The following ZFYVE9 variants were observed in gnomAD, a reference collection of about 807,000 sequenced individuals.
The protein encoded by ZFYVE9 is zinc finger FYVE-type containing 9.
In ZFYVE9, 43 loss-of-function variants were observed where a neutral mutation model predicts 126.7. The ratio of observed to expected loss-of-function variants is 0.34; its 90% CI spans 0.27 to 0.44. The LOEUF is 0.44. Among genes scored for constraint, ZFYVE9 ranks in the 20% least tolerant of loss-of-function variants. ZFYVE9 has a pLI of 1.00. For synonymous variants in ZFYVE9, 521 were observed against 597.4 expected (o/e 0.87, Z 1.87); for missense variants, 1,476 against 1,697.0 (o/e 0.87, Z 2.29).
intron 4 of ZFYVE9, among the ~76,000 whole-genome samples, chr1:52,245,096 T>G (rs35534541): frequency 6.6e-6 from 1 of 151,686 alleles, no homozygotes; most frequent in Non-Finnish European, 1.5e-5. Context: ...AGGCAGAGGT[T>G]GCAGTGAGCC....
intron 1 of ZFYVE9, among the ~76,000 whole-genome samples, chr1:52,168,973 C>G (rs1249248047): frequency 6.6e-6 from 1 of 152,170 alleles, no homozygotes; most frequent in African/African-American, 2.4e-5. Context: ...GCTACTCTTT[C>G]CCTCCCTTAA....
At chr1:52,244,023 A>G (rs777986799) in intron 4 of ZFYVE9, among the ~76,000 whole-genome samples, 27 of 152,206 alleles carry the variant, frequency 1.8e-4, no homozygotes, top group Admixed American at 3.3e-4. Flanking sequence ...GAAAGGGTTT[A>G]TCACCTATAT....
At chr1:52,331,886 C>T (rs954762539) in intron 13 of ZFYVE9, among the ~76,000 whole-genome samples, 2 of 150,184 alleles carry the variant, frequency 1.3e-5, no homozygotes, top group Admixed American at 6.7e-5. Context: ...TCATGCCATT[C>T]GCCTGCCTCA....
At chr1:52,338,180 A>G (rs1441203345) in intron 16 of ZFYVE9, among the ~76,000 whole-genome samples, 2 of 152,258 alleles carry the variant, frequency 1.3e-5, no homozygotes, top group African/African-American at 2.4e-5. Context: ...GTCCCTCTAT[A>G]GTTATTGAGA....
chr1:52,172,392 T>A (rs1483664990), intron 1 of ZFYVE9, among the ~76,000 whole-genome samples: 1 of 152,228 alleles, frequency 6.6e-6, no homozygotes, highest in Non-Finnish European at 1.5e-5. Flanking sequence ...CATGCTGTTT[T>A]GGTTACTGTA....
intron 3 of ZFYVE9, among the ~76,000 whole-genome samples, chr1:52,235,632 A>G (rs1645266632): frequency 1.3e-5 from 2 of 152,178 alleles, no homozygotes; most frequent in African/African-American, 4.8e-5. Flanking sequence ...ACTTTTCACT[A>G]CTTCTTTACA....
chr1:52,310,300 A>T (rs1241275153), intron 13 of ZFYVE9, among the ~76,000 whole-genome samples: 1 of 152,172 alleles, frequency 6.6e-6, no homozygotes, highest in Non-Finnish European at 1.5e-5. Context: ...CATTGTATTA[A>T]CTAATAATAA....
intron 2 of ZFYVE9, among the ~76,000 whole-genome samples, chr1:52,229,805 G>A (rs1645200869): frequency 6.6e-6 from 1 of 152,080 alleles, no homozygotes; most frequent in South Asian, 2.1e-4. Flanking sequence ...TGCCATGAGG[G>A]ATTGTTGTTG....
Position 52,203,174 on chromosome 1 carries a change from G to GT in ZFYVE9, c.-142-13188dup, listed in dbSNP as rs1171742295. Reference sequence around the variant, plus strand: ...TTCTTTACTCCTCCGTAGGTATAGTGTTTTTTTGTTTTGTTTTGTTTTTTT... The same window carrying GT: ...TTCTTTACTCCTCCGTAGGTATAGTGTTTTTTTTGTTTTGTTTTGTTTTTTT... On this transcript the variant is annotated intron_variant, in intron 1 of 18. Transcript: ENST00000287727. Among the ~76,000 whole-genome samples the GT allele has an allele frequency of 4.6e-5, 7 of 151,258 alleles. No individual in the cohort carries two copies. In the East Asian group the frequency reaches 9.8e-4, roughly 21 times the overall value.
intron 4 of ZFYVE9, among the ~76,000 whole-genome samples, chr1:52,241,719 A>G (rs1645335689): frequency 6.6e-6 from 1 of 152,200 alleles, no homozygotes. Context: ...TAGAGATGTT[A>G]TAAGTATTAA....
At chr1:52,330,658 C>A (rs564131340) in intron 13 of ZFYVE9, among the ~76,000 whole-genome samples, 13 of 152,166 alleles carry the variant, frequency 8.5e-5, no homozygotes, top group Non-Finnish European at 1.3e-4. Context: ...TGGTCACTTT[C>A]ATCACCATCT....
intron 13 of ZFYVE9, among the ~76,000 whole-genome samples, chr1:52,322,846 C>T (rs1646254578): frequency 6.6e-6 from 1 of 151,848 alleles, no homozygotes; most frequent in South Asian, 2.1e-4. Context: ...GCTCTATCGC[C>T]CAGGCTGGAG....
intron 3 of ZFYVE9, among the ~76,000 whole-genome samples, chr1:52,235,738 C>T (rs1645267600): frequency 6.6e-6 from 1 of 152,044 alleles, no homozygotes; most frequent in Non-Finnish European, 1.5e-5. Flanking sequence ...TTTATTAATG[C>T]TTTCTTTTCC....
At position 52,217,866 on chromosome 1, in the gene ZFYVE9, A is replaced by G. The variant is rs74767762; in HGVS notation, c.-37+1392A>G. Among the ~76,000 whole-genome samples the G allele has an allele frequency of 3.9e-4, 59 of 152,296 alleles. 1 individual carries two copies. The East Asian group carries it at 6.9e-3, about 18-fold the overall frequency. ...GACTCTGCCTTTTTTGGCCAACACC[A>G]TGTCAAGGGTTATTCTGTTTTCCCA... On this transcript the variant is annotated intron_variant, in intron 2 of 18. Coordinates refer to ENST00000287727, the MANE Select transcript of ZFYVE9 (RefSeq NM_004799.4).
At chr1:52,156,746 C>T (rs1458819258) in intron 1 of ZFYVE9, among the ~76,000 whole-genome samples, 3 of 152,132 alleles carry the variant, frequency 2.0e-5, no homozygotes, top group African/African-American at 7.2e-5. Context: ...CAATGATGCT[C>T]CATGTTTCTG....
intron 4 of ZFYVE9, among the ~76,000 whole-genome samples, chr1:52,240,953 A>G (rs900244895): frequency 6.6e-6 from 1 of 152,132 alleles, no homozygotes; most frequent in Non-Finnish European, 1.5e-5. Context: ...GGAGAAGGGG[A>G]AGTAGTGATA....
At chr1:52,247,200 T>C (rs574238905) in intron 4 of ZFYVE9, among the ~76,000 whole-genome samples, 99 of 152,246 alleles carry the variant, frequency 6.5e-4, no homozygotes, top group African/African-American at 2.3e-3. Flanking sequence ...AGGCCCTCAC[T>C]CAGTACCAAA....
chr1:52,242,847 A>G (rs1243673439), intron 4 of ZFYVE9, among the ~76,000 whole-genome samples: 4 of 152,228 alleles, frequency 2.6e-5, no homozygotes, highest in Non-Finnish European at 5.9e-5. Flanking sequence ...CTGGCATGAA[A>G]AAAACAGAAC....
chr1:52,304,712 T>C (rs960237944), intron 13 of ZFYVE9, among the ~76,000 whole-genome samples: 4 of 152,160 alleles, frequency 2.6e-5, no homozygotes, highest in African/African-American at 7.2e-5. Context: ...AGATGTTTTA[T>C]TGGATTTGTG....
Sources: gnomAD v4.1 joint callset for allele counts (sites outside exome capture counted in the v4.1 genomes callset) on GRCh38, gnomAD v4.1.1 for gene constraint, MANE v1.5 for transcripts, NCBI Gene and HGNC (gene_info 2026-07-23, HGNC 2026-07-21) for gene names.